ADGRA3: variants seen among roughly 807,000 people sequenced by gnomAD.
ADGRA3 encodes adhesion G protein-coupled receptor A3, also known as G-protein coupled receptor 125.
A neutral mutation model predicts 119.8 loss-of-function variants in ADGRA3; 56 were observed. That is an observed-to-expected ratio of 0.47 (90% confidence interval 0.38 to 0.58). The LOEUF (loss-of-function observed/expected upper bound fraction) is 0.58, where lower values mean the gene tolerates loss of function less well. Among genes scored for constraint, ADGRA3 ranks in the 20% least tolerant of loss-of-function variants. The probability of loss-of-function intolerance (pLI) is 0.00; values close to 1 mark genes in which losing one functional copy is unlikely to be tolerated. For synonymous variants in ADGRA3, 607 were observed against 623.8 expected (o/e 0.97, Z 0.40); for missense variants, 1,516 against 1,649.0 (o/e 0.92, Z 1.40).
intron 1 of ADGRA3, among the ~76,000 whole-genome samples, chr4:22,510,370 C>A: frequency 6.6e-6 from 1 of 152,168 alleles, no homozygotes; most frequent in Admixed American, 6.5e-5. Flanking sequence ...AACACCTCAA[C>A]TGGGAAGGCC....
intron 10 of ADGRA3, among the ~76,000 whole-genome samples, chr4:22,429,522 G>A (rs1005031271): frequency 1.3e-5 from 2 of 152,104 alleles, no homozygotes; most frequent in African/African-American, 4.8e-5. Context: ...AAGACCCCCT[G>A]TTACAAAGCT....
In ADGRA3 at chr4:22,387,582, A is replaced by C; in HGVS notation, c.*123T>G. 1 of 970,284 alleles carries C rather than the reference A, an allele frequency of 1.0e-6. No homozygotes were observed. The highest frequency in any genetic ancestry group is 2.8e-5 in the Admixed American group (1 of 35,746). 60.1% of individuals were successfully genotyped at this position (970,284 alleles called of 1,614,324 possible). On this transcript the variant is annotated 3_prime_UTR_variant, in exon 19 of 19. Transcript: ENST00000334304. ...AAAAATAAGTAAAATCCAAAACTTCAAAGTTTATTCCAAATTCTTTTGAAT... is the reference window on the plus strand; with the variant it reads ...AAAAATAAGTAAAATCCAAAACTTCCAAGTTTATTCCAAATTCTTTTGAAT...
intron 4 of ADGRA3, among the ~76,000 whole-genome samples, chr4:22,448,752 T>C (rs1402300969): frequency 6.6e-6 from 1 of 152,140 alleles, no homozygotes; most frequent in East Asian, 1.9e-4. Flanking sequence ...ACTGGATTGG[T>C]TTTTATATTT....
chr4:22,394,615 CTAT>C (rs1463685766), intron 16 of ADGRA3: 1 of 152,174 alleles, frequency 6.6e-6, no homozygotes, highest in Admixed American at 6.5e-5. Flanking sequence ...GTCAACTCTA[CTAT>C]TGCTGGAGGT....
chr4:22,391,870 C>G (rs1313191969), intron 17 of ADGRA3, among the ~76,000 whole-genome samples: 1 of 151,980 alleles, frequency 6.6e-6, no homozygotes, highest in African/African-American at 2.4e-5. Flanking sequence ...CATTTCCTAA[C>G]AACCCCCCGC....
chr4:22,418,094 A>C (rs932924523), intron 12 of ADGRA3, among the ~76,000 whole-genome samples: 7 of 152,228 alleles, frequency 4.6e-5, no homozygotes, highest in Non-Finnish European at 8.8e-5. Context: ...TTGTTATGCT[A>C]ACATATCTGA....
rs115461243 is a variant in ADGRA3, at chr4:22,506,577, A to G, written c.257+8951T>C. On this transcript the variant is annotated intron_variant, in intron 1 of 18. Coordinates refer to ENST00000334304, the MANE Select transcript of ADGRA3 (RefSeq NM_145290.4). The stretch of plus-strand genomic sequence containing the variant: ...CAAAAACAAACAAACAAACAAACCA[A>G]GGCAAAAGCAAAGCTTAGTATCTGC... Among the ~76,000 whole-genome samples the G allele has an allele frequency of 2.9e-3, 444 of 152,210 alleles. 4 individuals are homozygous for G. Among genetic ancestry groups the G allele is most frequent in the Middle Eastern group, 0.01 (3 of 292 alleles).
At chr4:22,514,367 C>A (rs1388591615) in intron 1 of ADGRA3, 1 of 152,078 alleles carries the variant, frequency 6.6e-6, no homozygotes, top group Non-Finnish European at 1.5e-5. Context: ...CATAAATAGA[C>A]ACATAGACAC....
intron 10 of ADGRA3, among the ~76,000 whole-genome samples, chr4:22,426,496 T>C (rs1425977398): frequency 6.6e-6 from 1 of 152,182 alleles, no homozygotes; most frequent in Non-Finnish European, 1.5e-5. Context: ...TCACTGACTA[T>C]TTATTGAGGG....
intron 1 of ADGRA3, 82 bp downstream of exon 1, chr4:22,515,446 G>C (rs1719616833): frequency 1.3e-6 from 2 of 1,506,424 alleles, no homozygotes; most frequent in African/African-American, 2.9e-5. Flanking sequence ...CGTGGGTGCC[G>C]GCTGGACCCT....
chr4:22,413,103 A>AAAAAC, intron 14 of ADGRA3, 79 bp downstream of exon 14: 1 of 1,093,976 alleles, frequency 9.1e-7, no homozygotes, highest in Non-Finnish European at 1.3e-6. Flanking sequence ...AAAAAACAAA[A>AAAAAC]AAACACTTCA....
chr4:22,440,258 T>G (rs1282300691), intron 7 of ADGRA3, among the ~76,000 whole-genome samples: 1 of 152,184 alleles, frequency 6.6e-6, no homozygotes, highest in Non-Finnish European at 1.5e-5. Flanking sequence ...TAGCAATACT[T>G]TTAATATCTA....
At chr4:22,445,986 T>C (rs1030096826) in intron 5 of ADGRA3, among the ~76,000 whole-genome samples, 11 of 152,216 alleles carry the variant, frequency 7.2e-5, no homozygotes, top group African/African-American at 2.4e-4. Flanking sequence ...AGGACCCTGT[T>C]CATGCCAACA....
intron 11 of ADGRA3, among the ~76,000 whole-genome samples, chr4:22,421,868 A>C (rs1345500856): frequency 7.5e-6 from 1 of 133,012 alleles, no homozygotes; most frequent in Non-Finnish European, 1.6e-5. Flanking sequence ...ACAACAGAGC[A>C]AGACTCAGTC....
chr4:22,404,842 T>A (rs947542050), intron 14 of ADGRA3, among the ~76,000 whole-genome samples: 1 of 152,324 alleles, frequency 6.6e-6, no homozygotes, highest in East Asian at 1.9e-4. Flanking sequence ...TGAAAACCAG[T>A]TAGATGCTAG....
intron 7 of ADGRA3, 79 bp from the exon 8 acceptor site, chr4:22,438,499 T>C (rs1016058537): frequency 1.8e-6 from 2 of 1,133,048 alleles, no homozygotes; most frequent in African/African-American, 1.6e-5. Context: ...CAATCATTAA[T>C]TTAGCAAATA....
chr4:22,401,061 A>G (rs1714615234), intron 16 of ADGRA3, among the ~76,000 whole-genome samples: 1 of 152,094 alleles, frequency 6.6e-6, no homozygotes, highest in African/African-American at 2.4e-5. Context: ...TCTTTTTCTA[A>G]TTTTTGTTTT....
chr4:22,456,405 G>A (rs1402788417), intron 3 of ADGRA3, among the ~76,000 whole-genome samples: 3 of 152,090 alleles, frequency 2.0e-5, no homozygotes, highest in African/African-American at 7.2e-5. Flanking sequence ...GCCCTGCTGG[G>A]ACAAACAGGC....
intron 3 of ADGRA3, among the ~76,000 whole-genome samples, chr4:22,459,249 C>T (rs1280592910): frequency 6.6e-6 from 1 of 152,076 alleles, no homozygotes; most frequent in Non-Finnish European, 1.5e-5. Flanking sequence ...GTTCTCACTT[C>T]TAAGCGGGAG....
Sources: gnomAD v4.1 joint callset for allele counts (sites outside exome capture counted in the v4.1 genomes callset) on GRCh38, gnomAD v4.1.1 for gene constraint, MANE v1.5 for transcripts, NCBI Gene and HGNC (gene_info 2026-07-23, HGNC 2026-07-21) for gene names.